Variants in DGKK observed in about 807,000 individuals in gnomAD.
DGKK encodes 142 kDa diacylglycerol kinase.
In DGKK, 35 loss-of-function variants were observed where a neutral mutation model predicts 92.2. The observed-to-expected ratio is 0.38, with a 90% confidence interval of 0.29 to 0.50. DGKK has a LOEUF of 0.50. DGKK is among the 20% of genes least tolerant of loss of function. The pLI is 0.92. For missense variants in DGKK, 910 were observed against 992.2 expected (o/e 0.92, Z 1.11); for synonymous variants, 368 against 360.6 (o/e 1.02, Z -0.23).
chrX:50,384,276 A>G lies in DGKK; in HGVS notation c.2453-12T>C. 3 of 1,113,261 alleles carry G rather than the reference A, an allele frequency of 2.7e-6. No individual in the cohort carries two copies. The highest frequency in any genetic ancestry group is 2.4e-4 in the Middle Eastern group (1 of 4,097). The allele number at this position is 1,113,261 out of a possible 1,213,427, so 91.7% of individuals were successfully genotyped here. On this transcript the variant is annotated splice_polypyrimidine_tract_variant and intron_variant, in intron 16 of 27. Transcript: ENST00000611977. ...GCCACGACGAGAACCTAGACACAAA[A>G]GACATCACTTGGGTGACGGATACAA...
chrX:50,374,147 A>G lies in DGKK; in HGVS notation c.3501+824T>C, dbSNP rs932915655. ...CCCCAGTACATCAGAATGTGACCTT[A>G]TTCGGAAATAGGGTCATTGCAGATG... is the stretch of plus-strand genomic sequence containing the variant. On this transcript the variant is annotated intron_variant, in intron 25 of 27. Coordinates refer to ENST00000611977, the MANE Select transcript of DGKK (RefSeq NM_001013742.4). Among the ~76,000 whole-genome samples, 8 of 112,032 alleles carry G rather than the reference A, an allele frequency of 7.1e-5. No homozygotes were observed. In the Admixed American group the frequency reaches 7.5e-4, roughly 11 times the overall value.
intron 4 of DGKK, among the ~76,000 whole-genome samples, chrX:50,412,400 G>C (rs782072430): frequency 1.1e-3 from 121 of 112,030 alleles, no homozygotes; most frequent in African/African-American, 3.8e-3. Context: ...GCAATCTACA[G>C]ATTCAATGCA....
At chrX:50,447,361 TATATATATTATA>T (rs1295792618) in intron 1 of DGKK, among the ~76,000 whole-genome samples, 1,211 of 15,720 alleles carry the variant, frequency 0.077, 165 homozygotes, top group African/African-American at 0.37. Context: ...ATATATAATA[TATATATATTATA>T]TATATATATA....
chrX:50,422,388 G>T (rs1298464621), intron 3 of DGKK, 58 bp downstream of exon 3: 24 of 960,714 alleles, frequency 2.5e-5, no homozygotes, highest in Non-Finnish European at 3.3e-5. Flanking sequence ...GTCATGGAAA[G>T]CTATCTTCCC....
intron 24 of DGKK, 98 bp from the exon 25 acceptor site, chrX:50,375,155 C>T (rs1924239589): frequency 3.3e-6 from 2 of 614,264 alleles, no homozygotes. Flanking sequence ...AAGGTAGAAG[C>T]AGGCTAGTAG....
intron 3 of DGKK, among the ~76,000 whole-genome samples, chrX:50,421,094 A>G (rs897715009): frequency 1.8e-5 from 2 of 111,632 alleles, no homozygotes; most frequent in Non-Finnish European, 3.8e-5. Context: ...GATGTCTAAA[A>G]ACCCAGTTTC....
At chrX:50,461,336 C>T (rs1557233329) in intron 1 of DGKK, among the ~76,000 whole-genome samples, 1 of 111,449 alleles carries the variant, frequency 9.0e-6, no homozygotes, top group African/African-American at 3.3e-5. Flanking sequence ...AGGGTGAAGC[C>T]CGAGACACAA....
chrX:50,425,914 G>A (rs899720776), intron 1 of DGKK, among the ~76,000 whole-genome samples: 2 of 111,693 alleles, frequency 1.8e-5, no homozygotes, highest in African/African-American at 6.5e-5. Context: ...CTGGCCAGGT[G>A]GCCTAAAGTA....
At position 50,368,770 on chromosome X, in the gene DGKK, C is replaced by G; in HGVS notation, c.*170G>C. The G allele has an allele frequency of 2.3e-6, 1 of 438,846 alleles. No individual in the cohort carries two copies. The highest frequency in any genetic ancestry group is 3.9e-6 in the Non-Finnish European group (1 of 257,875). 36.2% of individuals were successfully genotyped at this position (438,846 alleles called of 1,213,427 possible). ...TTGGCCAATGAGGAAATGTAAACCT[C>G]TAAGGAGACCAGATTAAGTCCAGGA... On this transcript the variant is annotated 3_prime_UTR_variant, in exon 28 of 28. Coordinates refer to ENST00000611977, the MANE Select transcript of DGKK (RefSeq NM_001013742.4).
intron 1 of DGKK, among the ~76,000 whole-genome samples, chrX:50,454,195 C>A (rs1051457853): frequency 9.0e-6 from 1 of 110,685 alleles, no homozygotes; most frequent in East Asian, 2.9e-4. Flanking sequence ...TTCTTATCTC[C>A]TTTAAATTTG....
At chrX:50,374,451 A>G (rs976749292) in intron 25 of DGKK, among the ~76,000 whole-genome samples, 9 of 111,627 alleles carry the variant, frequency 8.1e-5, no homozygotes, top group Admixed American at 5.7e-4. Context: ...GAATTGAGAG[A>G]CAATACATTT....
intron 4 of DGKK, among the ~76,000 whole-genome samples, chrX:50,419,472 C>A (rs1174802134): frequency 1.8e-5 from 2 of 111,989 alleles, no homozygotes; most frequent in Admixed American, 1.9e-4. Flanking sequence ...CTACCCATTG[C>A]TAGTTATTTA....
At chrX:50,412,882 A>G (rs1602284550) in intron 4 of DGKK, among the ~76,000 whole-genome samples, 1 of 111,717 alleles carries the variant, frequency 9.0e-6, no homozygotes, top group East Asian at 2.8e-4. Flanking sequence ...TCCATGGCCT[A>G]TTAGGAACCA....
At chrX:50,439,894 G>A (rs1926125423) in intron 1 of DGKK, among the ~76,000 whole-genome samples, 1 of 111,085 alleles carries the variant, frequency 9.0e-6, no homozygotes. Context: ...ACATCAGAAG[G>A]GCTTCTGATG....
intron 15 of DGKK, among the ~76,000 whole-genome samples, chrX:50,385,913 A>C (rs1325808634): frequency 5.4e-5 from 6 of 111,985 alleles, no homozygotes; most frequent in African/African-American, 1.6e-4. Flanking sequence ...GACCACTCTC[A>C]GGGCCCTTGT....
chrX:50,376,597 T>A (rs1924278639), intron 23 of DGKK, among the ~76,000 whole-genome samples, 161 bp downstream of exon 23: 2 of 112,019 alleles, frequency 1.8e-5, no homozygotes, highest in Non-Finnish European at 3.8e-5. Context: ...GCACAGAGAA[T>A]ATTTCCTGCC....
At chrX:50,384,852 GC>G in intron 15 of DGKK, 28 bp from the exon 16 acceptor site, 1 of 1,101,468 alleles carries the variant, frequency 9.1e-7, no homozygotes. Flanking sequence ...AGGAAGGAAA[GC>G]AAAAAAGAAA....
rs1322798309 is a variant in DGKK, at chrX:50,407,036, C to T, written c.943-2852G>A. ...ACATTAAAGGTGTTTCTGATGAGGC[C>T]TCATGTGAATATGTGGAACATATTG... On this transcript the variant is annotated intron_variant, in intron 4 of 27. Coordinates refer to ENST00000611977, the MANE Select transcript of DGKK (RefSeq NM_001013742.4). Among the ~76,000 whole-genome samples, 6 of 91,868 alleles carry T rather than the reference C, an allele frequency of 6.5e-5. No individual in the cohort carries two copies. The South Asian group carries it at 1.7e-3, about 26-fold the overall frequency. The allele number at this position is 91,868 out of a possible 115,157, so 79.8% of individuals were successfully genotyped here. A position where few individuals can be genotyped will look rare whatever the true frequency, so the allele number is the denominator to read the frequency against.
At chrX:50,389,018 G>T (rs1924621235) in intron 12 of DGKK, among the ~76,000 whole-genome samples, 1 of 111,294 alleles carries the variant, frequency 9.0e-6, no homozygotes, top group Non-Finnish European at 1.9e-5. Flanking sequence ...CACTTATATA[G>T]TACTGACTAT....
Sources: gnomAD v4.1 joint callset for allele counts (sites outside exome capture counted in the v4.1 genomes callset) on GRCh38, gnomAD v4.1.1 for gene constraint, MANE v1.5 for transcripts, NCBI Gene and HGNC (gene_info 2026-07-23, HGNC 2026-07-21) for gene names.